NDC1: variants seen among roughly 807,000 people sequenced by gnomAD.
NDC1 encodes the protein nucleoporin NDC1.
Under a neutral mutation model 89.8 loss-of-function variants are expected in NDC1, and 24 were observed. That is an observed-to-expected ratio of 0.27 (90% CI 0.19 to 0.38). The LOEUF is 0.38. NDC1 is among the 10% of genes least tolerant of loss of function. NDC1 has a pLI of 1.00. For missense variants in NDC1, 728 were observed against 797.6 expected (o/e 0.91, Z 1.05); for synonymous variants, 296 against 284.8 (o/e 1.04, Z -0.39).
At chr1:53,813,743 A>G (rs1474310497) in intron 6 of NDC1, among the ~76,000 whole-genome samples, 1 of 152,202 alleles carries the variant, frequency 6.6e-6, no homozygotes, top group Admixed American at 6.5e-5. Context: ...CAACAAAAAA[A>G]CAATGGATTT....
intron 16 of NDC1, among the ~76,000 whole-genome samples, chr1:53,785,258 G>A (rs1011868275): frequency 9.2e-5 from 14 of 152,192 alleles, no homozygotes; most frequent in Admixed American, 5.9e-4. Context: ...CACTGCCAGA[G>A]TGACAAAAAA....
chr1:53,776,062 C>T (rs547112454), intron 16 of NDC1, among the ~76,000 whole-genome samples: 114 of 151,904 alleles, frequency 7.5e-4, no homozygotes, highest in African/African-American at 2.6e-3. Context: ...TCAATCGATC[C>T]TCCCACCTCA....
chr1:53,796,742 T>C lies in NDC1; in HGVS notation c.1531A>G (p.Thr511Ala). 6.2e-7 allele frequency: 1 copy of C among 1,612,448 alleles called. No individual in the cohort carries two copies. The highest frequency in any genetic ancestry group is 8.5e-7 in the Non-Finnish European group (1 of 1,179,522). The change falls in exon 13 of 18, where the codon ACA (threonine) becomes GCA (alanine). Residue 511 changes from threonine (T) to alanine (A), a missense_variant. By Grantham distance (58) the Thr-to-Ala change is moderately conservative. Transcript: ENST00000371429. ...TAAATCACACTGGGTTGTCTCATTGTCTTACCCTCAGCACTAATAGAGGTA... is the reference window on the plus strand; with the variant it reads ...TAAATCACACTGGGTTGTCTCATTGCCTTACCCTCAGCACTAATAGAGGTA... ...PSTSISAEGK[T>A]MRQPSVIYSW...
chr1:53,790,486 A>T (rs1007324095), intron 14 of NDC1, among the ~76,000 whole-genome samples: 15 of 151,178 alleles, frequency 9.9e-5, no homozygotes, highest in African/African-American at 3.6e-4. Flanking sequence ...GAGGGCCAAT[A>T]ACCTGAGGTC....
intron 13 of NDC1, among the ~76,000 whole-genome samples, chr1:53,795,912 A>G (rs1557574290): frequency 6.6e-6 from 1 of 152,170 alleles, no homozygotes; most frequent in Non-Finnish European, 1.5e-5. Context: ...ACAGCCAATG[A>G]GCCCTGGGTG....
In NDC1 at chr1:53,772,383, G is replaced by A. The variant is rs1483662058; in HGVS notation, c.1907C>T (p.Ala636Val). 1 of 1,613,854 alleles carries A rather than the reference G, an allele frequency of 6.2e-7. No homozygotes were observed. Among genetic ancestry groups the A allele is most frequent in the South Asian group, 1.1e-5 (1 of 91,060 alleles). The change falls in exon 17 of 18, where the codon GCA becomes GTA. Residue 636 changes from alanine (A) to valine (V), a missense_variant. Transcript: ENST00000371429. Reference protein sequence around the residue: ...SYKTLRFAFRASLKTAIYRIT... With the variant: ...SYKTLRFAFRVSLKTAIYRIT... ...TCGATAGATGGCAGTTTTCAGTGAT[G>A]CTCTGAATGCAAATCTTAATGTTTT... is the stretch of plus-strand genomic sequence containing the variant.
intron 11 of NDC1, among the ~76,000 whole-genome samples, chr1:53,798,803 C>G (rs1023181087): frequency 1.3e-5 from 2 of 152,204 alleles, no homozygotes; most frequent in African/African-American, 4.8e-5. Flanking sequence ...GATCCACCTG[C>G]TTCGGCCTCC....
At chr1:53,820,185 GC>G (rs1253304378) in intron 5 of NDC1, among the ~76,000 whole-genome samples, 2 of 151,718 alleles carry the variant, frequency 1.3e-5, no homozygotes, top group Non-Finnish European at 2.9e-5. Flanking sequence ...AACCCAGGAG[GC>G]AGAGGTTGCA....
At chr1:53,803,674 C>T (rs2100659502) in intron 10 of NDC1, among the ~76,000 whole-genome samples, 1 of 152,320 alleles carries the variant, frequency 6.6e-6, no homozygotes, top group Middle Eastern at 3.4e-3. Context: ...CAGGCTCACG[C>T]CATTCTCCCG....
intron 3 of NDC1, among the ~76,000 whole-genome samples, chr1:53,831,398 G>A (rs1649062355): frequency 6.6e-6 from 1 of 151,924 alleles, no homozygotes; most frequent in Non-Finnish European, 1.5e-5. Flanking sequence ...AGGAAAATGG[G>A]CTGGGTGCAG....
intron 9 of NDC1, among the ~76,000 whole-genome samples, 197 bp downstream of exon 9, chr1:53,806,228 C>T (rs576537417): frequency 2.0e-5 from 3 of 152,288 alleles, no homozygotes; most frequent in East Asian, 3.9e-4. Flanking sequence ...ATACACTGTA[C>T]TGTGCACTTG....
chr1:53,836,941 T>TA (rs1354088944), intron 1 of NDC1, among the ~76,000 whole-genome samples: 1 of 152,044 alleles, frequency 6.6e-6, no homozygotes, highest in East Asian at 1.9e-4. Flanking sequence ...AAAAGAAAAA[T>TA]ATAGATAAAT....
intron 16 of NDC1, among the ~76,000 whole-genome samples, 159 bp from the exon 17 acceptor site, chr1:53,772,648 G>A (rs1054077193): frequency 2.7e-5 from 4 of 146,358 alleles, no homozygotes; most frequent in African/African-American, 7.7e-5. Context: ...GGGCGACAGA[G>A]ATCCTGTCTC....
intron 10 of NDC1, among the ~76,000 whole-genome samples, chr1:53,802,401 T>A (rs2100657955): frequency 6.6e-6 from 1 of 152,114 alleles, no homozygotes; most frequent in Non-Finnish European, 1.5e-5. Flanking sequence ...GTGTACTGGC[T>A]CACACCTGTA....
chr1:53,825,847 A>G lies in NDC1; in HGVS notation c.545T>C (p.Leu182Pro). The change falls in exon 5 of 18, where the codon CTC becomes CCC. Residue 182 changes from leucine (L) to proline (P), a missense_variant. By Grantham distance (98) the Leu-to-Pro change is moderately conservative. Coordinates refer to ENST00000371429, the MANE Select transcript of NDC1 (RefSeq NM_018087.5). The stretch of plus-strand genomic sequence containing the variant: ...GTTCATGTTGTTAACAAAATACAGG[A>G]GGCTATAGCTATAGCCCATAAATGC... ...TGAFMGYSYS[L>P]LYFVNNMNYL... The G allele has an allele frequency of 1.2e-6, 2 of 1,606,352 alleles. No individual in the cohort carries two copies. The highest frequency in any genetic ancestry group is 8.5e-7 in the Non-Finnish European group (1 of 1,176,588).
At chr1:53,822,362 A>G (rs1648701637) in intron 5 of NDC1, among the ~76,000 whole-genome samples, 1 of 152,218 alleles carries the variant, frequency 6.6e-6, no homozygotes, top group South Asian at 2.1e-4. Flanking sequence ...TTTCATAATT[A>G]CATGAAAAAA....
chr1:53,767,917 G>T lies in NDC1; in HGVS notation c.*53C>A. ...GATCCAAGAATGCTGAACATTTACT[G>T]TCCCATCTGTAGTTGTATCAGCAGT... On this transcript the variant is annotated 3_prime_UTR_variant, in exon 18 of 18. Transcript: ENST00000371429. 1 of 1,087,314 alleles carries T rather than the reference G, an allele frequency of 9.2e-7. No individual in the cohort carries two copies. Among genetic ancestry groups the T allele is most frequent in the Non-Finnish European group, 1.4e-6 (1 of 737,488 alleles). The allele number at this position is 1,087,314 out of a possible 1,614,324, so 67.4% of individuals were successfully genotyped here. A position where few individuals can be genotyped will look rare whatever the true frequency, so the allele number is the denominator to read the frequency against.
intron 16 of NDC1, among the ~76,000 whole-genome samples, chr1:53,786,230 G>GT (rs1241530149): frequency 6.6e-6 from 1 of 152,066 alleles, no homozygotes; most frequent in Admixed American, 6.6e-5. Context: ...CCGGCCTCCA[G>GT]ATGCCATCTC....
chr1:53,811,245 A>C (rs1308355900), intron 6 of NDC1, among the ~76,000 whole-genome samples: 1 of 152,244 alleles, frequency 6.6e-6, no homozygotes, highest in East Asian at 1.9e-4. Context: ...GAACTTTGTA[A>C]CAATTTAAAT....
Sources: allele counts gnomAD v4.1 joint callset (sites outside exome capture counted in the v4.1 genomes callset), GRCh38; gene constraint gnomAD v4.1.1; transcripts MANE v1.5; gene names NCBI Gene and HGNC (gene_info 2026-07-23, HGNC 2026-07-21).